Variants in ROBO1 observed in about 807,000 individuals in gnomAD.
The protein encoded by ROBO1 is roundabout homolog 1.
ROBO1 carries 149 observed loss-of-function variants against 195.9 expected under a neutral mutation model. The observed-to-expected ratio is 0.76, with a 90% CI of 0.67 to 0.87. ROBO1 has a LOEUF of 0.87. ROBO1 is among the 40% of genes least tolerant of loss of function. The pLI is 0.00. For missense variants in ROBO1, 1,933 were observed against 2,068.3 expected (o/e 0.93, Z 1.27); for synonymous variants, 816 against 733.2 (o/e 1.11, Z -1.82).
intron 3 of ROBO1, among the ~76,000 whole-genome samples, chr3:78,986,437 T>C (rs184953448): frequency 6.6e-6 from 1 of 151,656 alleles, no homozygotes; most frequent in African/African-American, 2.4e-5. Context: ...CAGTCAACCA[T>C]ACTGGCCAAA....
At chr3:79,725,933 A>AAT (rs527610198) in intron 1 of ROBO1, among the ~76,000 whole-genome samples, 3 of 151,276 alleles carry the variant, frequency 2.0e-5, no homozygotes, top group Non-Finnish European at 4.4e-5. Context: ...TAAAAAAAAA[A>AAT]GTATATCTGG....
In ROBO1 at chr3:78,661,099, C is replaced by A; in HGVS notation, c.2251G>T (p.Ala751Ser). The A allele has an allele frequency of 6.2e-7, 1 of 1,613,576 alleles. No individual in the cohort carries two copies. Among genetic ancestry groups the A allele is most frequent in the Non-Finnish European group, 8.5e-7 (1 of 1,179,714 alleles). Residue 751 changes from alanine (A) to serine (S), a missense_variant, in exon 16 of 31, where the codon GCT becomes TCT. Physicochemically the swap from Ala to Ser is moderately conservative, Grantham distance 99. Transcript: ENST00000464233. ...LRKGVNYEIK[A>S]RPFFNEFQGA... ...TGAAATTCATTAAAAAAAGGGCGAG[C>A]CTTAATTTCATAGTTGACTCCCTTT...
chr3:79,514,698 TCTGTGTGTGA>T (rs1478382433), intron 2 of ROBO1, among the ~76,000 whole-genome samples: 1 of 151,484 alleles, frequency 6.6e-6, no homozygotes, highest in African/African-American at 2.5e-5. Flanking sequence ...TGTGTATGTG[TCTGTGTGTGA>T]GTGTTTATGA....
At chr3:79,751,480 C>A (rs886362150) in intron 1 of ROBO1, among the ~76,000 whole-genome samples, 8 of 151,968 alleles carry the variant, frequency 5.3e-5, no homozygotes, top group Admixed American at 2.0e-4. Context: ...TAATAAAATT[C>A]AATAGGTAAA....
chr3:79,644,821 G>A (rs1426444260), intron 1 of ROBO1, among the ~76,000 whole-genome samples: 1 of 152,070 alleles, frequency 6.6e-6, no homozygotes, highest in Non-Finnish European at 1.5e-5. Flanking sequence ...CCACAAAACA[G>A]GTCTCAGCAA....
At chr3:79,462,541 T>A (rs1257543999) in intron 2 of ROBO1, among the ~76,000 whole-genome samples, 1 of 152,202 alleles carries the variant, frequency 6.6e-6, no homozygotes, top group Non-Finnish European at 1.5e-5. Context: ...TTTTTAAAAG[T>A]TTTGTAGAAT....
chr3:79,086,680 T>G, intron 3 of ROBO1, among the ~76,000 whole-genome samples: 1 of 152,130 alleles, frequency 6.6e-6, no homozygotes, highest in East Asian at 1.9e-4. Context: ...TGAAAAACAG[T>G]ATGCAGACAC....
At chr3:78,678,967 C>T (rs1295197142) in intron 10 of ROBO1, among the ~76,000 whole-genome samples, 1 of 152,106 alleles carries the variant, frequency 6.6e-6, no homozygotes, top group African/African-American at 2.4e-5. Context: ...CATCAAAAAG[C>T]TTATCCACCA....
chr3:79,200,779 G>GA (rs1315830400), intron 2 of ROBO1, among the ~76,000 whole-genome samples: 1 of 151,850 alleles, frequency 6.6e-6, no homozygotes, highest in Non-Finnish European at 1.5e-5. Context: ...AAAATAAAGA[G>GA]AAAAACACAT....
intron 5 of ROBO1, among the ~76,000 whole-genome samples, chr3:78,735,506 A>T (rs746881033): frequency 1.3e-5 from 2 of 152,184 alleles, no homozygotes; most frequent in Non-Finnish European, 2.9e-5. Flanking sequence ...TTTGAATGAG[A>T]TTGTGTGACA....
intron 4 of ROBO1, among the ~76,000 whole-genome samples, chr3:78,796,108 G>GGAT (rs1376971933): frequency 2.8e-5 from 1 of 35,294 alleles, no homozygotes; most frequent in Non-Finnish European, 5.6e-5. Context: ...TATGAAATGT[G>GGAT]GATAATAATA....
At chr3:79,757,932 C>T (rs1704493558) in intron 1 of ROBO1, among the ~76,000 whole-genome samples, 1 of 152,146 alleles carries the variant, frequency 6.6e-6, no homozygotes, top group African/African-American at 2.4e-5. Flanking sequence ...ATAGCTTTAA[C>T]TCTTCTTTTA....
At chr3:79,387,721 GT>G (rs1328934902) in intron 2 of ROBO1, among the ~76,000 whole-genome samples, 2 of 152,054 alleles carry the variant, frequency 1.3e-5, no homozygotes, top group Non-Finnish European at 2.9e-5. Context: ...ATGAAAGGTA[GT>G]AAAAATAGTT....
At chr3:78,822,706 C>T (rs1158118385) in intron 4 of ROBO1, among the ~76,000 whole-genome samples, 2 of 152,084 alleles carry the variant, frequency 1.3e-5, no homozygotes, top group Admixed American at 1.3e-4. Flanking sequence ...CATTCTGGTC[C>T]AACTTAATGT....
At chr3:79,751,484 A>G (rs1265797188) in intron 1 of ROBO1, among the ~76,000 whole-genome samples, 4 of 152,156 alleles carry the variant, frequency 2.6e-5, no homozygotes, top group African/African-American at 7.2e-5. Context: ...AAAATTCAAT[A>G]GGTAAAATCA....
At chr3:79,662,356 C>A (rs1946353718) in intron 1 of ROBO1, among the ~76,000 whole-genome samples, 1 of 152,026 alleles carries the variant, frequency 6.6e-6, no homozygotes, top group South Asian at 2.1e-4. Context: ...TTTTGACTAT[C>A]TTTATAAAAA....
intron 2 of ROBO1, among the ~76,000 whole-genome samples, chr3:79,485,778 C>T (rs1939127149): frequency 6.6e-6 from 1 of 152,096 alleles, no homozygotes; most frequent in South Asian, 2.1e-4. Context: ...TAACATGTCC[C>T]CAATTTAGTG....
intron 1 of ROBO1, among the ~76,000 whole-genome samples, chr3:79,699,259 T>C (rs1947539348): frequency 6.6e-6 from 1 of 151,322 alleles, no homozygotes; most frequent in Non-Finnish European, 1.5e-5. Context: ...GTGAAAATAA[T>C]ATATGGTATG....
chr3:79,299,817 G>T (rs2032803845), intron 2 of ROBO1, among the ~76,000 whole-genome samples: 1 of 149,596 alleles, frequency 6.7e-6, no homozygotes, highest in Non-Finnish European at 1.5e-5. Flanking sequence ...AAAATGAAAA[G>T]TTGTTTTAAA....
Sources: gnomAD v4.1 joint callset for allele counts (sites outside exome capture counted in the v4.1 genomes callset) on GRCh38, gnomAD v4.1.1 for gene constraint, MANE v1.5 for transcripts, NCBI Gene and HGNC (gene_info 2026-07-23, HGNC 2026-07-21) for gene names.